Variants in AP1S3 observed in about 807,000 individuals in gnomAD.
AP1S3 encodes adaptor related protein complex 1 subunit sigma 3.
In AP1S3, 10 loss-of-function variants were observed where a neutral mutation model predicts 20.9. The observed-to-expected ratio is 0.48, with a 90% confidence interval of 0.29 to 0.81. The LOEUF is 0.81. Ranked by LOEUF, AP1S3 falls within the 30% of genes least tolerant of loss-of-function variation. The pLI, the probability that AP1S3 is intolerant of heterozygous loss-of-function variation, is 0.08. For synonymous variants in AP1S3, 41 were observed against 61.5 expected (o/e 0.67, Z 1.56); for missense variants, 154 against 183.8 (o/e 0.84, Z 0.94).
At chr2:223,761,674 G>A (rs1019935845) in intron 4 of AP1S3, among the ~76,000 whole-genome samples, 10 of 152,092 alleles carry the variant, frequency 6.6e-5, no homozygotes, top group African/African-American at 1.9e-4. Flanking sequence ...CGGTCCTTCC[G>A]CATCAGCCTT....
chr2:223,819,831 A>G (rs999923981), intron 1 of AP1S3, among the ~76,000 whole-genome samples: 1 of 152,096 alleles, frequency 6.6e-6, no homozygotes, highest in Non-Finnish European at 1.5e-5. Context: ...TAGTTACCTT[A>G]TATTTTCTGC....
At chr2:223,811,292 G>A (rs979401407) in intron 1 of AP1S3, among the ~76,000 whole-genome samples, 1 of 151,948 alleles carries the variant, frequency 6.6e-6, no homozygotes, top group African/African-American at 2.4e-5. Context: ...ATCTGGCCAG[G>A]CACGGTGGCT....
At chr2:223,770,354 G>A in intron 3 of AP1S3, 1 of 1,549,226 alleles carries the variant, frequency 6.5e-7, no homozygotes, top group Non-Finnish European at 8.7e-7. Context: ...AGATACTAAT[G>A]AAAATTCTCC....
At chr2:223,780,351 AGAGAGAGTGTGTGTGTGTGT>A (rs1194393912) in intron 1 of AP1S3, among the ~76,000 whole-genome samples, 1 of 62,204 alleles carries the variant, frequency 1.6e-5, no homozygotes, top group African/African-American at 7.5e-5. Flanking sequence ...AGAGAGAGAG[AGAGAGAGTGTGTGTGTGTGT>A]GTGTGTGTGT....
At position 223,758,585 on chromosome 2, in the gene AP1S3, A is replaced by G; in HGVS notation, c.*130T>C. The G allele has an allele frequency of 7.3e-7, 1 of 1,365,484 alleles. No individual in the cohort carries two copies. Among genetic ancestry groups the G allele is most frequent in the Non-Finnish European group, 9.5e-7 (1 of 1,057,488 alleles). 84.6% of individuals were successfully genotyped at this position (1,365,484 alleles called of 1,614,324 possible). On this transcript the variant is annotated 3_prime_UTR_variant, in exon 5 of 5. Transcript: ENST00000396654. The stretch of plus-strand genomic sequence containing the variant: ...TATGTTAAACAACTTTAACTTTGTT[A>G]GTTAACAAAGAATCCCTTTAAATTA...
intron 3 of AP1S3, among the ~76,000 whole-genome samples, chr2:223,773,812 A>G (rs980273397): frequency 2.8e-4 from 43 of 152,210 alleles, no homozygotes; most frequent in Admixed American, 2.7e-3. Context: ...GGGAATAGGG[A>G]AGAGGGTATT....
At chr2:223,791,332 AC>A (rs1691212610) in intron 1 of AP1S3, among the ~76,000 whole-genome samples, 1 of 152,208 alleles carries the variant, frequency 6.6e-6, no homozygotes, top group Non-Finnish European at 1.5e-5. Context: ...AAGCTTATCC[AC>A]CATGATCAAG....
intron 1 of AP1S3, among the ~76,000 whole-genome samples, chr2:223,805,708 C>T (rs532891714): frequency 6.6e-6 from 1 of 152,328 alleles, no homozygotes; most frequent in African/African-American, 2.4e-5. Flanking sequence ...AAATAGCTGG[C>T]ATTTCTTAAA....
Position 223,758,221 on chromosome 2 carries a change from T to C in AP1S3, c.*494A>G. ...TGCAGTTACAGTACTATTAAGTGTA[T>C]GAAAAATGTCTAGCATTACATATAA... is the stretch of plus-strand genomic sequence containing the variant. On this transcript the variant is annotated 3_prime_UTR_variant, in exon 5 of 5. Transcript: ENST00000396654. 3 of 980,230 alleles carry C rather than the reference T, an allele frequency of 3.1e-6. No individual in the cohort carries two copies. Among genetic ancestry groups the C allele is most frequent in the South Asian group, 4.7e-5 (1 of 21,172 alleles). 60.7% of individuals were successfully genotyped at this position (980,230 alleles called of 1,614,324 possible).
intron 1 of AP1S3, among the ~76,000 whole-genome samples, chr2:223,787,761 C>T (rs1691110523): frequency 6.6e-6 from 1 of 152,134 alleles, no homozygotes; most frequent in South Asian, 2.1e-4. Flanking sequence ...CACACACACA[C>T]ACACAAACTA....
chr2:223,824,501 G>A (rs1201903196), intron 1 of AP1S3, among the ~76,000 whole-genome samples: 1 of 152,144 alleles, frequency 6.6e-6, no homozygotes, highest in Non-Finnish European at 1.5e-5. Flanking sequence ...CTTTGGATAA[G>A]CCACAAGCTA....
At chr2:223,780,324 G>GAC (rs1690903947) in intron 1 of AP1S3, among the ~76,000 whole-genome samples, 2 of 96,562 alleles carry the variant, frequency 2.1e-5, no homozygotes. Context: ...GAGAGAGAGA[G>GAC]AGAGAGAGAG....
At chr2:223,783,520 T>C (rs1161648109) in intron 1 of AP1S3, among the ~76,000 whole-genome samples, 1 of 152,230 alleles carries the variant, frequency 6.6e-6, no homozygotes, top group Non-Finnish European at 1.5e-5. Flanking sequence ...TTCTAATCTC[T>C]TTCTGAAGCA....
At chr2:223,786,417 C>T (rs533528845) in intron 1 of AP1S3, among the ~76,000 whole-genome samples, 3 of 152,122 alleles carry the variant, frequency 2.0e-5, no homozygotes, top group South Asian at 2.1e-4. Context: ...ACAGCAGGTG[C>T]GATCCAGTGG....
chr2:223,834,971 T>A (rs1217864052), intron 1 of AP1S3, among the ~76,000 whole-genome samples: 1 of 145,174 alleles, frequency 6.9e-6, no homozygotes, highest in Non-Finnish European at 1.5e-5. Context: ...TGTTGTACTA[T>A]CTCAGCTTAT....
At chr2:223,796,799 G>A (rs1691348368) in intron 1 of AP1S3, among the ~76,000 whole-genome samples, 1 of 152,156 alleles carries the variant, frequency 6.6e-6, no homozygotes, top group Non-Finnish European at 1.5e-5. Flanking sequence ...AAGCAGCTGG[G>A]ATTACAGGTG....
chr2:223,805,194 T>C (rs1374115712), intron 1 of AP1S3, among the ~76,000 whole-genome samples: 2 of 152,168 alleles, frequency 1.3e-5, no homozygotes, highest in Non-Finnish European at 2.9e-5. Flanking sequence ...ATCCGAGCAC[T>C]TTGAGGGGCT....
At chr2:223,805,795 C>T (rs956859437) in intron 1 of AP1S3, among the ~76,000 whole-genome samples, 1 of 152,024 alleles carries the variant, frequency 6.6e-6, no homozygotes, top group African/African-American at 2.4e-5. Context: ...TTCTTTTTTA[C>T]CCATGTATTA....
At chr2:223,766,155 A>G (rs1690473572) in intron 3 of AP1S3, among the ~76,000 whole-genome samples, 1 of 152,034 alleles carries the variant, frequency 6.6e-6, no homozygotes, top group Non-Finnish European at 1.5e-5. Context: ...TTTCCATACC[A>G]TACCCCACCC....
Sources: allele counts gnomAD v4.1 joint callset (sites outside exome capture counted in the v4.1 genomes callset), GRCh38; gene constraint gnomAD v4.1.1; transcripts MANE v1.5; gene names NCBI Gene and HGNC (gene_info 2026-07-23, HGNC 2026-07-21).